DYNLT2B: variants seen among roughly 807,000 people sequenced by gnomAD.
DYNLT2B encodes the protein dynein light chain Tctex-type protein 2B.
Under a neutral mutation model 19.5 loss-of-function variants are expected in DYNLT2B, and 14 were observed. The observed-to-expected ratio is 0.72, with a 90% confidence interval of 0.47 to 1.12. DYNLT2B has a LOEUF of 1.12. DYNLT2B is among the 50% of genes most tolerant of loss of function. The pLI is 0.00. For missense variants in DYNLT2B, 133 were observed against 174.7 expected (o/e 0.76, Z 1.35); for synonymous variants, 70 against 59.7 (o/e 1.17, Z -0.79).
intron 4 of DYNLT2B, among the ~76,000 whole-genome samples, chr3:196,294,986 C>T (rs1026791746): frequency 1.3e-5 from 2 of 152,096 alleles, no homozygotes; most frequent in Non-Finnish European, 2.9e-5. Context: ...AAGTGATCCA[C>T]ATGCCTCGGC....
At chr3:196,291,439 G>T in intron 4 of DYNLT2B, 65 bp from the exon 5 acceptor site, 2 of 1,497,422 alleles carry the variant, frequency 1.3e-6, no homozygotes. Flanking sequence ...AATGAGAGCA[G>T]CACAGGCAAC....
intron 2 of DYNLT2B, among the ~76,000 whole-genome samples, chr3:196,313,157 G>A (rs1364787645): frequency 6.6e-6 from 1 of 151,990 alleles, no homozygotes; most frequent in Non-Finnish European, 1.5e-5. Context: ...CCATGTATAT[G>A]GACATGTAGA....
rs141515129 is a variant in DYNLT2B, at chr3:196,310,572, G to A, written c.248-3560C>T. On this transcript the variant is annotated intron_variant, in intron 2 of 4. Transcript: ENST00000325318. ...GCCTTCTGAGTAGCTGGGATTACAG[G>A]CACGCACCACCATACCTGGCTAAAT... 8.8e-4 allele frequency among the ~76,000 whole-genome samples: 134 copies of A among 151,442 alleles called. 1 individual carries two copies. The highest frequency in any genetic ancestry group is 3.1e-3 in the African/African-American group (128 of 41,232).
At chr3:196,295,554 G>A (rs1434025795) in intron 4 of DYNLT2B, among the ~76,000 whole-genome samples, 1 of 151,990 alleles carries the variant, frequency 6.6e-6, no homozygotes, top group Non-Finnish European at 1.5e-5. Flanking sequence ...AAAAAAAAAT[G>A]ACCTTTGCTC....
intron 4 of DYNLT2B, among the ~76,000 whole-genome samples, chr3:196,291,608 A>C (rs961713618): frequency 6.6e-6 from 1 of 152,188 alleles, no homozygotes; most frequent in Non-Finnish European, 1.5e-5. Context: ...CCTCCAGAGT[A>C]GCTAGGACCA....
intron 2 of DYNLT2B, 108 bp downstream of exon 2, chr3:196,315,990 C>A: frequency 8.0e-7 from 1 of 1,252,238 alleles, no homozygotes; most frequent in Non-Finnish European, 1.1e-6. Flanking sequence ...TAGGCGTGAG[C>A]CACCACACCT....
intron 3 of DYNLT2B, among the ~76,000 whole-genome samples, chr3:196,302,090 G>A (rs1415745139): frequency 1.3e-5 from 2 of 152,124 alleles, no homozygotes; most frequent in Non-Finnish European, 2.9e-5. Flanking sequence ...CTGGGTGACA[G>A]AGCGAGACTC....
intron 3 of DYNLT2B, 47 bp downstream of exon 3, chr3:196,306,896 T>C (rs373629724): frequency 6.5e-7 from 1 of 1,541,188 alleles, no homozygotes; most frequent in Non-Finnish European, 9.0e-7. Flanking sequence ...AGATACCTCA[T>C]AAGAAATATA....
At chr3:196,312,818 G>C (rs1421676050) in intron 2 of DYNLT2B, among the ~76,000 whole-genome samples, 1 of 152,044 alleles carries the variant, frequency 6.6e-6, no homozygotes, top group East Asian at 1.9e-4. Flanking sequence ...AAGAATCCAG[G>C]GAATACGGCA....
At chr3:196,300,730 CAA>C (rs1171224774) in intron 3 of DYNLT2B, among the ~76,000 whole-genome samples, 6 of 68,850 alleles carry the variant, frequency 8.7e-5, no homozygotes, top group East Asian at 4.2e-4. Flanking sequence ...ACTCTGTCTC[CAA>C]AAAAAAAAAA....
chr3:196,307,748 G>A (rs1726529217), intron 2 of DYNLT2B, among the ~76,000 whole-genome samples: 1 of 151,786 alleles, frequency 6.6e-6, no homozygotes, highest in Non-Finnish European at 1.5e-5. Context: ...CGTTTTTCTT[G>A]CCTTAAAGAA....
intron 2 of DYNLT2B, among the ~76,000 whole-genome samples, chr3:196,310,734 G>A (rs1462583139): frequency 1.3e-5 from 2 of 150,230 alleles, no homozygotes; most frequent in African/African-American, 2.5e-5. Flanking sequence ...GGCCTGTTTT[G>A]TTTTGTTTTT....
rs117249656 is a variant in DYNLT2B at position 196,313,808 on chromosome 3, C to T, written c.247+2290G>A. On this transcript the variant is annotated intron_variant, in intron 2 of 4. Coordinates refer to ENST00000325318, the MANE Select transcript of DYNLT2B (RefSeq NM_152773.5). Reference sequence around the variant, plus strand: ...ACTGCCTTTGGTTAATATTTTAAAACTTTAAGGGGCCAGGCACAGTGGCTC... The same window carrying T: ...ACTGCCTTTGGTTAATATTTTAAAATTTTAAGGGGCCAGGCACAGTGGCTC... Among the ~76,000 whole-genome samples the T allele has an allele frequency of 4.4e-3, 668 of 152,076 alleles. 16 individuals are homozygous for T. In the South Asian group the frequency reaches 0.07, roughly 16 times the overall value.
At chr3:196,317,008 TGAC>T (rs1726837707) in intron 1 of DYNLT2B, among the ~76,000 whole-genome samples, 1 of 134,054 alleles carries the variant, frequency 7.5e-6, no homozygotes, top group Non-Finnish European at 1.6e-5. Context: ...CCCGTGAGCC[TGAC>T]ATTTTTTTCA....
chr3:196,294,449 A>G (rs1220370057), intron 4 of DYNLT2B, among the ~76,000 whole-genome samples: 2 of 152,262 alleles, frequency 1.3e-5, no homozygotes. Flanking sequence ...CATATCTGGC[A>G]GTCAGCAGAA....
At chr3:196,310,228 A>G (rs1052795289) in intron 2 of DYNLT2B, among the ~76,000 whole-genome samples, 2 of 151,174 alleles carry the variant, frequency 1.3e-5, no homozygotes, top group Non-Finnish European at 2.9e-5. Context: ...CAGCCTCCCA[A>G]GTAGTTGGGA....
chr3:196,315,995 ACACCTGGC>A, intron 2 of DYNLT2B, 95 bp downstream of exon 2: 1 of 1,321,368 alleles, frequency 7.6e-7, no homozygotes, highest in Non-Finnish European at 1.0e-6. Context: ...GTGAGCCACC[ACACCTGGC>A]CCCAATGTCC....
intron 3 of DYNLT2B, among the ~76,000 whole-genome samples, chr3:196,301,664 G>A (rs1726357147): frequency 6.6e-6 from 1 of 152,120 alleles, no homozygotes; most frequent in African/African-American, 2.4e-5. Context: ...AGTGAGCAGA[G>A]ATGGCGCCAC....
intron 3 of DYNLT2B, chr3:196,296,342 T>C (rs754852581): frequency 9.9e-6 from 3 of 301,846 alleles, no homozygotes; most frequent in African/African-American, 2.1e-5. Context: ...CAGGGATCAA[T>C]ACTAGAGATT....
Sources: gnomAD v4.1 joint callset for allele counts (sites outside exome capture counted in the v4.1 genomes callset) on GRCh38, gnomAD v4.1.1 for gene constraint, MANE v1.5 for transcripts, NCBI Gene and HGNC (gene_info 2026-07-23, HGNC 2026-07-21) for gene names.